CFAP299: variants seen among roughly 807,000 people sequenced by gnomAD.
CFAP299 encodes cilia- and flagella-associated protein 299.
In CFAP299, 21 loss-of-function variants were observed where a neutral mutation model predicts 27.0. The ratio of observed to expected loss-of-function variants is 0.78; its 90% CI spans 0.55 to 1.12. The LOEUF (loss-of-function observed/expected upper bound fraction) is 1.12. Among genes scored for constraint, CFAP299 ranks in the 50% most tolerant of loss-of-function variants. The pLI is 0.00. For missense variants in CFAP299, 310 were observed against 276.6 expected (o/e 1.12, Z -0.86); for synonymous variants, 104 against 98.1 (o/e 1.06, Z -0.36).
At chr4:80,599,472 A>C (rs1371485817) in intron 3 of CFAP299, among the ~76,000 whole-genome samples, 3 of 152,162 alleles carry the variant, frequency 2.0e-5, no homozygotes, top group African/African-American at 7.2e-5. Context: ...TTTGGCAATG[A>C]CAGATAAGAA....
chr4:80,865,429 T>G (rs1732664700), intron 3 of CFAP299, among the ~76,000 whole-genome samples: 1 of 152,166 alleles, frequency 6.6e-6, no homozygotes, highest in Non-Finnish European at 1.5e-5. Context: ...TATTAATATC[T>G]GCCACCACAT....
chr4:80,825,305 A>G (rs567189416), intron 3 of CFAP299, among the ~76,000 whole-genome samples: 178 of 152,098 alleles, frequency 1.2e-3, no homozygotes, highest in Non-Finnish European at 2.3e-3. Flanking sequence ...AACAAATGCA[A>G]TATGAAAGGA....
At chr4:80,356,733 G>T (rs1158161551) in intron 1 of CFAP299, among the ~76,000 whole-genome samples, 1 of 151,984 alleles carries the variant, frequency 6.6e-6, no homozygotes, top group African/African-American at 2.4e-5. Context: ...AGAAGCTTTT[G>T]GGCTCAGTTG....
chr4:80,324,854 G>A, the CFAP299 span, among the ~76,000 whole-genome samples: 7,581 of 152,312 alleles, frequency 0.05, 251 homozygotes, highest in Middle Eastern at 0.18. Flanking sequence ...TGGGAGTGGT[G>A]GCTCATGCCT....
intron 2 of CFAP299, among the ~76,000 whole-genome samples, chr4:80,389,793 A>G (rs111436128): frequency 1.3e-5 from 2 of 152,156 alleles, no homozygotes; most frequent in African/African-American, 4.8e-5. Context: ...TTATATAAGC[A>G]TTTACTATTT....
At chr4:80,692,904 C>T (rs1404493913) in intron 3 of CFAP299, among the ~76,000 whole-genome samples, 2 of 151,852 alleles carry the variant, frequency 1.3e-5, no homozygotes, top group Non-Finnish European at 2.9e-5. Flanking sequence ...ACAGACGCTT[C>T]TCAAAAGAAG....
chr4:80,433,391 A>G (rs1178946218), intron 2 of CFAP299, among the ~76,000 whole-genome samples: 1 of 152,198 alleles, frequency 6.6e-6, no homozygotes, highest in Non-Finnish European at 1.5e-5. Context: ...TGCTCCTAAG[A>G]ATGAAAAAAT....
intron 4 of CFAP299, among the ~76,000 whole-genome samples, chr4:80,942,173 T>C (rs531858068): frequency 1.3e-5 from 2 of 152,204 alleles, no homozygotes; most frequent in Non-Finnish European, 2.9e-5. Context: ...ATGGTTGTAG[T>C]CTGGAGGTCT....
chr4:80,957,004 G>A (rs1738104606), intron 5 of CFAP299, among the ~76,000 whole-genome samples: 1 of 151,948 alleles, frequency 6.6e-6, no homozygotes, highest in African/African-American at 2.4e-5. Flanking sequence ...TATTTAAAAA[G>A]ATTCCTATAC....
intron 4 of CFAP299, among the ~76,000 whole-genome samples, chr4:80,898,251 T>C (rs899322728): frequency 6.6e-6 from 1 of 152,048 alleles, no homozygotes; most frequent in Non-Finnish European, 1.5e-5. Context: ...CAATGAAAGT[T>C]GGTTTCAGCA....
chr4:80,604,902 A>AAAAC (rs1553938996), intron 3 of CFAP299, among the ~76,000 whole-genome samples: 3 of 151,630 alleles, frequency 2.0e-5, no homozygotes, highest in Non-Finnish European at 4.4e-5. Context: ...GAAAAAAAAA[A>AAAAC]AACATGTAAT....
chr4:80,349,295 G>A (rs973042738), intron 1 of CFAP299, among the ~76,000 whole-genome samples: 2 of 152,150 alleles, frequency 1.3e-5, no homozygotes, highest in African/African-American at 4.8e-5. Context: ...ACCCTGACAT[G>A]TAACTATCCA....
chr4:80,511,860 A>G (rs1732321388), intron 2 of CFAP299, among the ~76,000 whole-genome samples: 2 of 152,168 alleles, frequency 1.3e-5, no homozygotes, highest in Admixed American at 1.3e-4. Context: ...TATTAACTTA[A>G]TGGTAAATTA....
chr4:80,495,764 G>A (rs530038131), intron 2 of CFAP299, among the ~76,000 whole-genome samples: 4 of 152,356 alleles, frequency 2.6e-5, no homozygotes, highest in African/African-American at 9.6e-5. Context: ...TGGCTGTACA[G>A]GAAGCATGAT....
intron 1 of CFAP299, among the ~76,000 whole-genome samples, chr4:80,359,536 T>C (rs1331279480): frequency 6.6e-6 from 1 of 152,222 alleles, no homozygotes; most frequent in Non-Finnish European, 1.5e-5. Flanking sequence ...CTTTTCTCTC[T>C]ATTCTTGTCT....
At chr4:80,677,980 CTT>C (rs1385395017) in intron 3 of CFAP299, among the ~76,000 whole-genome samples, 1 of 151,988 alleles carries the variant, frequency 6.6e-6, no homozygotes, top group East Asian at 1.9e-4. Context: ...TTCTTTCTGT[CTT>C]TTCTACTTGG....
At chr4:80,881,800 A>T (rs182915467) in intron 4 of CFAP299, among the ~76,000 whole-genome samples, 139 of 152,352 alleles carry the variant, frequency 9.1e-4, no homozygotes, top group Middle Eastern at 6.8e-3. Flanking sequence ...CAAAATAATC[A>T]TCTTAAAGGT....
intron 4 of CFAP299, among the ~76,000 whole-genome samples, chr4:80,905,746 T>A (rs1735150653): frequency 6.6e-6 from 1 of 152,102 alleles, no homozygotes; most frequent in Admixed American, 6.5e-5. Context: ...TATAAAATCA[T>A]CAGATCTCGT....
In CFAP299 at chr4:80,782,627, TCATATATAATATA is replaced by T. The variant is rs1173134063; in HGVS notation, c.334-87358_334-87346del. Reference sequence around the variant, plus strand: ...ATACATATATTAATATATAATATATTCATATATAATATACATATATGAATATATAATATATTCA... The same window carrying T: ...ATACATATATTAATATATAATATATTCATATATGAATATATAATATATTCA... On this transcript the variant is annotated intron_variant, in intron 3 of 5. Transcript: ENST00000358105. 1.7e-4 allele frequency among the ~76,000 whole-genome samples: 18 copies of T among 106,390 alleles called. 1 individual carries two copies. Among genetic ancestry groups the T allele is most frequent in the African/African-American group, 5.7e-4 (17 of 29,642 alleles). The allele number at this position is 106,390 out of a possible 152,430, so 69.8% of individuals were successfully genotyped here. A position where few individuals can be genotyped will look rare whatever the true frequency, so the allele number is the denominator to read the frequency against.
Sources: allele counts gnomAD v4.1 joint callset (sites outside exome capture counted in the v4.1 genomes callset), GRCh38; gene constraint gnomAD v4.1.1; transcripts MANE v1.5; gene names NCBI Gene and HGNC (gene_info 2026-07-23, HGNC 2026-07-21).